The following NRG4 variants were observed in gnomAD, a reference collection of about 807,000 sequenced individuals.
The protein encoded by NRG4 is neuregulin 4.
NRG4 carries 10 observed loss-of-function variants against 15.0 expected under a neutral mutation model. The observed-to-expected ratio is 0.67, with a 90% CI of 0.41 to 1.13. NRG4 has a LOEUF of 1.13. Among genes scored for constraint, NRG4 ranks in the 50% most tolerant of loss-of-function variants. The probability of loss-of-function intolerance (pLI) is 0.00; values close to 1 mark genes in which losing one functional copy is unlikely to be tolerated. For synonymous variants in NRG4, 41 were observed against 50.1 expected (o/e 0.82, Z 0.77); for missense variants, 139 against 140.2 (o/e 0.99, Z 0.04).
upstream of NRG4, among the ~76,000 whole-genome samples, chr15:76,014,248 T>G (rs2034906084): frequency 1.3e-5 from 2 of 152,200 alleles, no homozygotes; most frequent in Admixed American, 1.3e-4. Flanking sequence ...TATTAGCCCT[T>G]TCTCAGATGA....
intron 3 of NRG4, among the ~76,000 whole-genome samples, chr15:75,985,410 T>G (rs1180802903): frequency 6.6e-6 from 1 of 152,164 alleles, no homozygotes; most frequent in Non-Finnish European, 1.5e-5. Flanking sequence ...ACAATTTAAG[T>G]GAAGTGTTAT....
rs567025866 is a variant in NRG4 at position 75,986,338 on chromosome 15, C to T, written c.104+22862G>A. On this transcript the variant is annotated intron_variant, in intron 3 of 5. Coordinates refer to ENST00000394907, the MANE Select transcript of NRG4 (RefSeq NM_138573.4). ...GACCCAGCCAAATTCTTGGGATTCA[C>T]TTACACCCTAAAATATGACATACAT... 3.9e-5 allele frequency among the ~76,000 whole-genome samples: 6 copies of T among 152,306 alleles called. No homozygotes were observed. The East Asian group carries it at 9.6e-4, about 24-fold the overall frequency.
chr15:75,967,456 A>ATTTTTTTTTTTTTTTTTTTTTTTT (rs71140189), intron 3 of NRG4, among the ~76,000 whole-genome samples: 1 of 100,178 alleles, frequency 1.0e-5, no homozygotes. Context: ...AAAATCTTAG[A>ATTTTTTTTTTTTTTTTTTTTTTTT]TTTTTTTTTT....
intron 3 of NRG4, among the ~76,000 whole-genome samples, chr15:75,988,581 C>A (rs1002211541): frequency 1.3e-5 from 2 of 152,208 alleles, no homozygotes; most frequent in African/African-American, 2.4e-5. Context: ...TCCTGAGTCT[C>A]TTGATAGATA....
intron 5 of NRG4, among the ~76,000 whole-genome samples, chr15:76,021,916 G>A (rs991416026): frequency 2.6e-5 from 4 of 152,182 alleles, no homozygotes; most frequent in South Asian, 2.1e-4. Context: ...CTGGGGTGGC[G>A]GATGGTTTCA....
intron 4 of NRG4, among the ~76,000 whole-genome samples, chr15:76,036,441 T>A (rs1171589998): frequency 1.3e-5 from 2 of 152,204 alleles, no homozygotes; most frequent in Admixed American, 1.3e-4. Flanking sequence ...TCATAGTTTT[T>A]TATATATATA....
chr15:76,013,791 C>G (rs575389586), upstream of NRG4, among the ~76,000 whole-genome samples: 26 of 152,148 alleles, frequency 1.7e-4, no homozygotes, highest in African/African-American at 5.8e-4. Context: ...TGAACAGTGC[C>G]GCAATAAACA....
chr15:76,018,809 G>A (rs909334767), intron 5 of NRG4, among the ~76,000 whole-genome samples: 31 of 152,180 alleles, frequency 2.0e-4, no homozygotes, highest in African/African-American at 7.2e-4. Context: ...ACAGGGGTTA[G>A]GGACTCACTT....
At chr15:76,021,596 C>T (rs930521428) in intron 5 of NRG4, among the ~76,000 whole-genome samples, 1 of 152,120 alleles carries the variant, frequency 6.6e-6, no homozygotes, top group Non-Finnish European at 1.5e-5. Flanking sequence ...TTTCATGAAA[C>T]AAAATCAGTA....
At chr15:76,043,229 G>A (rs1230469622) in intron 4 of NRG4, among the ~76,000 whole-genome samples, 1 of 152,110 alleles carries the variant, frequency 6.6e-6, no homozygotes, top group Non-Finnish European at 1.5e-5. Flanking sequence ...TTTCTTCTAA[G>A]ATCTGGAAGA....
At chr15:75,955,524 G>A (rs372815094) in intron 5 of NRG4, among the ~76,000 whole-genome samples, 1 of 152,008 alleles carries the variant, frequency 6.6e-6, no homozygotes, top group East Asian at 1.9e-4. Flanking sequence ...CTCCATCTTG[G>A]CCAGAAGTCT....
intron 3 of NRG4, among the ~76,000 whole-genome samples, chr15:75,966,431 T>C (rs1001692967): frequency 4.6e-5 from 7 of 152,154 alleles, no homozygotes; most frequent in African/African-American, 1.7e-4. Flanking sequence ...ATTGTCAGAA[T>C]CAAGTAAGAA....
chr15:75,941,687 A>AG lies in NRG4; in HGVS notation c.*1950dup, dbSNP rs1316130454. On this transcript the variant is annotated 3_prime_UTR_variant, in exon 6 of 6. Transcript: ENST00000394907. ...AATACTATATGAATCCACTGATGTG[A>AG]GGTACCTAGACTAGTGAGATTCATA... The AG allele has an allele frequency of 6.6e-6, 1 of 152,162 alleles. No homozygotes were observed. Among genetic ancestry groups the AG allele is most frequent in the Admixed American group, 6.5e-5 (1 of 15,284 alleles). 9.4% of individuals were successfully genotyped at this position (152,162 alleles called of 1,614,324 possible).
chr15:76,005,790 C>T (rs1346904749), intron 3 of NRG4: 1 of 437,196 alleles, frequency 2.3e-6, no homozygotes, highest in South Asian at 1.7e-5. Context: ...TCATTGTTGT[C>T]ATTTTCATTT....
intron 5 of NRG4, chr15:75,951,204 G>GTT (rs1567071617): frequency 9.3e-6 from 1 of 107,660 alleles, no homozygotes; most frequent in East Asian, 3.1e-4. Flanking sequence ...GTCTCACTCT[G>GTT]TTGCCCTGGC....
At chr15:75,951,123 TG>T (rs2031858683) in intron 5 of NRG4, 1 of 153,284 alleles carries the variant, frequency 6.5e-6, no homozygotes, top group Admixed American at 6.6e-5. Flanking sequence ...ATCACAGTAA[TG>T]GTAGAGCTGG....
At chr15:76,010,814 T>C (rs956991920) in intron 2 of NRG4, among the ~76,000 whole-genome samples, 1 of 152,126 alleles carries the variant, frequency 6.6e-6, no homozygotes, top group Non-Finnish European at 1.5e-5. Context: ...CAGCTAAGAT[T>C]AGTGTCCTTG....
chr15:75,969,044 A>G (rs536290321), intron 3 of NRG4: 43 of 313,954 alleles, frequency 1.4e-4, no homozygotes, highest in African/African-American at 9.3e-4. Context: ...AACCAGGAAC[A>G]GCTGGAAAGA....
chr15:75,953,449 G>A (rs2032033534), intron 5 of NRG4, among the ~76,000 whole-genome samples: 1 of 152,210 alleles, frequency 6.6e-6, no homozygotes, highest in Non-Finnish European at 1.5e-5. Flanking sequence ...ATTAGGAAGT[G>A]TGAGTCTCCT....
Sources: allele counts gnomAD v4.1 joint callset (sites outside exome capture counted in the v4.1 genomes callset), GRCh38; gene constraint gnomAD v4.1.1; transcripts MANE v1.5; gene names NCBI Gene and HGNC (gene_info 2026-07-23, HGNC 2026-07-21).